ANKRD12: variants seen among roughly 807,000 people sequenced by gnomAD.
The protein encoded by ANKRD12 is ankyrin repeat domain 12, also known as ankyrin repeat domain-containing protein 12.
In ANKRD12, 85 loss-of-function variants were observed where a neutral mutation model predicts 183.4. That is an observed-to-expected ratio of 0.46 (90% CI 0.39 to 0.56). The LOEUF is 0.56. Ranked by LOEUF, ANKRD12 falls within the 20% of genes least tolerant of loss-of-function variation. ANKRD12 has a pLI of 0.00. For synonymous variants in ANKRD12, 914 were observed against 800.2 expected (o/e 1.14, Z -2.40); for missense variants, 2,405 against 2,357.1 (o/e 1.02, Z -0.42).
In ANKRD12 at chr18:9,258,942, T is replaced by C; in HGVS notation, c.5664+11T>C. On this transcript the variant is annotated intron_variant, in intron 9 of 12. Transcript: ENST00000262126. ...ATTTGTATTCCCACAGTAAGTAACA[T>C]CATCACTTGCTATACACCTGTAACA... 1 of 1,590,332 alleles carries C rather than the reference T, an allele frequency of 6.3e-7. No homozygotes were observed. The highest frequency in any genetic ancestry group is 8.6e-7 in the Non-Finnish European group (1 of 1,168,180).
chr18:9,252,203 G>A (rs1421253594), intron 8 of ANKRD12, among the ~76,000 whole-genome samples: 1 of 152,204 alleles, frequency 6.6e-6, no homozygotes, highest in East Asian at 1.9e-4. Flanking sequence ...GGATCAGGTT[G>A]ATCTATGTTC....
In ANKRD12 at chr18:9,256,114, C is replaced by T. The variant is rs946729528; in HGVS notation, c.2847C>T (p.Gly949=). ...DNSEYSKSEK[G]KNKEKDRELD... ...GTGAATACAGTAAATCAGAAAAAGG[C>T]AAAAATAAAGAAAAAGACAGGGAGC... The change falls in exon 9 of 13, where the codon GGC becomes GGT. Residue 949 remains glycine, a synonymous_variant. Coordinates refer to ENST00000262126, the MANE Select transcript of ANKRD12 (RefSeq NM_015208.5). 1.3e-6 allele frequency: 2 copies of T among 1,536,676 alleles called. No individual in the cohort carries two copies. The highest frequency in any genetic ancestry group is 1.7e-6 in the Non-Finnish European group (2 of 1,150,428).
intron 6 of ANKRD12, among the ~76,000 whole-genome samples, chr18:9,212,682 A>G (rs1225979923): frequency 6.6e-6 from 1 of 150,670 alleles, no homozygotes; most frequent in African/African-American, 2.4e-5. Context: ...AATAATGGAA[A>G]TTGCCCCCCC....
chr18:9,257,120 C>A lies in ANKRD12; in HGVS notation c.3853C>A (p.His1285Asn), dbSNP rs1204356048. ...PPYANRLSTS[H>N]LRSSSVEDVK... ...ATATGCAAACAGACTTTCAACATCC[C>A]ATCTTAGGTCATCTTCTGTAGAAGA... is the stretch of plus-strand genomic sequence containing the variant. The change falls in exon 9 of 13, where the codon CAT becomes AAT. Residue 1285 changes from histidine to asparagine, a missense_variant. His to Asn is a moderately conservative substitution (Grantham distance 68). Coordinates refer to ENST00000262126, the MANE Select transcript of ANKRD12 (RefSeq NM_015208.5). The A allele has an allele frequency of 1.1e-5, 17 of 1,614,016 alleles. No homozygotes were observed. The highest frequency in any genetic ancestry group is 1.4e-5 in the Non-Finnish European group (17 of 1,180,008).
At chr18:9,155,072 C>G (rs1317231803) in intron 1 of ANKRD12, among the ~76,000 whole-genome samples, 3 of 152,096 alleles carry the variant, frequency 2.0e-5, no homozygotes, top group African/African-American at 7.2e-5. Context: ...AAAAATAGAC[C>G]TAGCCTAAAA....
At chr18:9,142,164 G>C (rs1213262191) in intron 1 of ANKRD12, among the ~76,000 whole-genome samples, 8 of 152,188 alleles carry the variant, frequency 5.3e-5, no homozygotes, top group Non-Finnish European at 1.0e-4. Context: ...TCAGCATTCT[G>C]ACTTCTAATA....
chr18:9,275,742 C>T, intron 11 of ANKRD12, 75 bp downstream of exon 11: 1 of 1,357,272 alleles, frequency 7.4e-7, no homozygotes, highest in Non-Finnish European at 9.8e-7. Context: ...AATCTATTTC[C>T]ATAGAAAGAA....
chr18:9,184,585 A>G (rs1226939091), intron 2 of ANKRD12, among the ~76,000 whole-genome samples: 1 of 152,100 alleles, frequency 6.6e-6, no homozygotes, highest in Non-Finnish European at 1.5e-5. Flanking sequence ...CGCCCAGTCT[A>G]GTCTGAAACT....
At chr18:9,173,025 G>A (rs2032894935) in intron 1 of ANKRD12, among the ~76,000 whole-genome samples, 2 of 150,836 alleles carry the variant, frequency 1.3e-5, no homozygotes. Flanking sequence ...CTAAAGTGCT[G>A]GGATTATAGG....
chr18:9,227,182 A>G (rs970605000), intron 8 of ANKRD12, among the ~76,000 whole-genome samples: 2 of 152,084 alleles, frequency 1.3e-5, no homozygotes, highest in African/African-American at 2.4e-5. Flanking sequence ...AAGATATGTA[A>G]TATATATACA....
rs775877613 is a variant in ANKRD12 at position 9,262,786 on chromosome 18, C to CTTTTTTTTTTTTTTTTT, written c.5665-1004_5665-1003insTTTTTTTTTTTTTTTTT. ...AGCCACCATGCCCAGCCAAGATGTC[C>CTTTTTTTTTTTTTTTTT]CTTTTTTTTTTTTTTTTTTTTTTTT... On this transcript the variant is annotated intron_variant, in intron 9 of 12. Transcript: ENST00000262126. Among the ~76,000 whole-genome samples, 4 of 87,932 alleles carry CTTTTTTTTTTTTTTTTT rather than the reference C, an allele frequency of 4.5e-5. 2 individuals are homozygous for CTTTTTTTTTTTTTTTTT. 57.7% of individuals were successfully genotyped at this position (87,932 alleles called of 152,430 possible). A position where few individuals can be genotyped will look rare whatever the true frequency, so the allele number is the denominator to read the frequency against.
intron 6 of ANKRD12, 48 bp downstream of exon 6, chr18:9,211,832 C>T: frequency 2.1e-6 from 3 of 1,424,312 alleles, no homozygotes; most frequent in Non-Finnish European, 2.9e-6. Context: ...AAAATTTAAA[C>T]AGATCCTGGT....
chr18:9,215,916 C>T (rs185152200), intron 6 of ANKRD12, among the ~76,000 whole-genome samples: 53 of 152,060 alleles, frequency 3.5e-4, no homozygotes, highest in Admixed American at 3.2e-3. Context: ...GAGTTGAATG[C>T]TTCCAAAACA....
chr18:9,222,024 A>G (rs1200498479), intron 8 of ANKRD12, 25 bp downstream of exon 8: 1 of 1,610,784 alleles, frequency 6.2e-7, no homozygotes, highest in South Asian at 1.1e-5. Flanking sequence ...ATCTACATTC[A>G]TCTGTTCGTT....
At chr18:9,263,621 TGTTTCC>T (rs1157346394) in intron 9 of ANKRD12, among the ~76,000 whole-genome samples, 163 bp from the exon 10 acceptor site, 1 of 152,234 alleles carries the variant, frequency 6.6e-6, no homozygotes, top group East Asian at 1.9e-4. Flanking sequence ...CTGTGCTCAA[TGTTTCC>T]AAACAGAAGT....
rs925002157 is a variant in ANKRD12 at position 9,283,785 on chromosome 18, CTG to C, written c.*2661_*2662del. ...AAAAAAAGAGTGAAATGTGTGCTAACTGTTTTTTTACTTAATTTTACTTGGGC... is the reference window on the plus strand; with the variant it reads ...AAAAAAAGAGTGAAATGTGTGCTAACTTTTTTTACTTAATTTTACTTGGGC... On this transcript the variant is annotated 3_prime_UTR_variant, in exon 13 of 13. Coordinates refer to ENST00000262126, the MANE Select transcript of ANKRD12 (RefSeq NM_015208.5). 5.2e-5 allele frequency: 8 copies of C among 152,594 alleles called. No homozygotes were observed. The highest frequency in any genetic ancestry group is 1.7e-4 in the African/African-American group (7 of 41,510). The allele number at this position is 152,594 out of a possible 1,614,324, so 9.5% of individuals were successfully genotyped here. A position where few individuals can be genotyped will look rare whatever the true frequency, so the allele number is the denominator to read the frequency against.
intron 1 of ANKRD12, among the ~76,000 whole-genome samples, chr18:9,142,324 A>C (rs2078346761): frequency 1.3e-5 from 2 of 152,250 alleles, no homozygotes; most frequent in Non-Finnish European, 2.9e-5. Context: ...ACAGCTCAGT[A>C]GCAGAACAAG....
At chr18:9,172,699 C>G (rs1395049698) in intron 1 of ANKRD12, among the ~76,000 whole-genome samples, 1 of 152,260 alleles carries the variant, frequency 6.6e-6, no homozygotes, top group African/African-American at 2.4e-5. Context: ...TTATCACCCA[C>G]CTTCTGAAGC....
At chr18:9,165,134 C>A (rs971944334) in intron 1 of ANKRD12, among the ~76,000 whole-genome samples, 1 of 152,076 alleles carries the variant, frequency 6.6e-6, no homozygotes, top group Non-Finnish European at 1.5e-5. Context: ...TTGAACTGAA[C>A]CTTTTACCAT....
Sources: allele counts gnomAD v4.1 joint callset (sites outside exome capture counted in the v4.1 genomes callset), GRCh38; gene constraint gnomAD v4.1.1; transcripts MANE v1.5; gene names NCBI Gene and HGNC (gene_info 2026-07-23, HGNC 2026-07-21).